The following TRPV3 variants were observed in gnomAD, a reference collection of about 807,000 sequenced individuals.
TRPV3 encodes the protein transient receptor potential cation channel subfamily V member 3, also known as VRL-3.
TRPV3 carries 88 observed loss-of-function variants against 87.1 expected under a neutral mutation model. The observed-to-expected ratio is 1.01, with a 90% CI of 0.85 to 1.21. TRPV3 has a LOEUF of 1.21. Ranked by LOEUF, TRPV3 falls within the 50% of genes most tolerant of loss-of-function variation. TRPV3 has a pLI of 0.00. For missense variants in TRPV3, 1,054 were observed against 1,030.1 expected (o/e 1.02, Z -0.32); for synonymous variants, 438 against 423.3 (o/e 1.03, Z -0.43).
Position 3,519,000 on chromosome 17 carries a change from A to C in TRPV3, c.1811-150T>G. 12 of 901,058 alleles carry C rather than the reference A, an allele frequency of 1.3e-5. No homozygotes were observed. Among genetic ancestry groups the C allele is most frequent in the Non-Finnish European group, 2.0e-5 (12 of 612,250 alleles). The allele number at this position is 901,058 out of a possible 1,614,324, so 55.8% of individuals were successfully genotyped here. A position where few individuals can be genotyped will look rare whatever the true frequency, so the allele number is the denominator to read the frequency against. ...CAGTTTCAGGTCCTCTCAAAGCCTC[A>C]TCAGGCTGGCTTCTCTGGCCTGGCC... On this transcript the variant is annotated intron_variant, in intron 14 of 17. Coordinates refer to ENST00000576742, the MANE Select transcript of TRPV3 (RefSeq NM_145068.4). This position sits in a 1 kb window ranked among gnomAD's most constrained non-coding sequence, Gnocchi z 4.3.
At chr17:3,538,409 C>G (rs2074427539) in intron 6 of TRPV3, among the ~76,000 whole-genome samples, 2 of 149,944 alleles carry the variant, frequency 1.3e-5, no homozygotes, top group African/African-American at 4.9e-5. Flanking sequence ...AAGAGTTAAC[C>G]CTTTTCACCC....
chr17:3,517,220 C>T (rs1274364740), intron 15 of TRPV3, among the ~76,000 whole-genome samples: 1 of 151,998 alleles, frequency 6.6e-6, no homozygotes, highest in Non-Finnish European at 1.5e-5. Flanking sequence ...AGCAGAGGAC[C>T]GTTCAAACAT....
chr17:3,531,036 A>G (rs1447072163), intron 8 of TRPV3, among the ~76,000 whole-genome samples: 1 of 151,380 alleles, frequency 6.6e-6, no homozygotes, highest in Non-Finnish European at 1.5e-5. Flanking sequence ...AGCCTGGGCA[A>G]TGAAGTGAGA....
Position 3,516,590 on chromosome 17 carries a change from A to G in TRPV3, c.2086-21T>C, listed in dbSNP as rs762489873. ...GCTCTCTGGGGACATAAGCAAGTCT[A>G]AGGAGTAGGCATCCACACTCACAAG... On this transcript the variant is annotated intron_variant, in intron 15 of 17. Coordinates refer to ENST00000576742, the MANE Select transcript of TRPV3 (RefSeq NM_145068.4). 13 of 1,579,830 alleles carry G rather than the reference A, an allele frequency of 8.2e-6. No homozygotes were observed. The South Asian group carries it at 1.1e-4, about 13-fold the overall frequency.
rs767698239 is a variant in TRPV3 at position 3,528,866 on chromosome 17, C to A, written c.1372G>T (p.Val458Phe). Residue 458 changes from valine (V) to phenylalanine (F), a missense_variant, in exon 10 of 18, where the codon GTC (valine) becomes TTC (phenylalanine). Coordinates refer to ENST00000576742, the MANE Select transcript of TRPV3 (RefSeq NM_145068.4). The surrounding 1 kb of genome is among the most constrained non-coding windows in gnomAD (Gnocchi z 4.2). ...TCCTCCCGGGGGCGGTAGTACGAGA[C>A]GAGGGTCAGGGTGATGTTGTAGAAG... ...YFFYNITLTL[V>F]SYYRPREEEA... 4.3e-6 allele frequency: 7 copies of A among 1,614,136 alleles called. No individual in the cohort carries two copies. The highest frequency in any genetic ancestry group is 5.9e-6 in the Non-Finnish European group (7 of 1,180,014).
chr17:3,545,211 A>G lies in TRPV3; in HGVS notation c.180T>C (p.Ser60=). The G allele has an allele frequency of 1.9e-6, 3 of 1,613,852 alleles. No homozygotes were observed. The highest frequency in any genetic ancestry group is 3.3e-5 in the Admixed American group (2 of 59,992). ...FEPNPTVAKT[S]PPVFSKPMDS... is the part of the protein sequence containing the mutation. Reference sequence around the variant, plus strand: ...CCATGGGCTTGGAGAAGACAGGAGGAGAGGTCTTGGCAACTGTGGGGTTGG... The same window carrying G: ...CCATGGGCTTGGAGAAGACAGGAGGGGAGGTCTTGGCAACTGTGGGGTTGG... Residue 60 remains serine, a synonymous_variant, in exon 3 of 18, where the codon TCT becomes TCC. Coordinates refer to ENST00000576742, the MANE Select transcript of TRPV3 (RefSeq NM_145068.4).
At chr17:3,515,599 T>A (rs893900857) in intron 16 of TRPV3, among the ~76,000 whole-genome samples, 2 of 151,788 alleles carry the variant, frequency 1.3e-5, no homozygotes, top group Non-Finnish European at 2.9e-5. Context: ...AGGCGGAGGT[T>A]GCAGTGAGCA....
intron 13 of TRPV3, among the ~76,000 whole-genome samples, chr17:3,522,105 A>T (rs1041524683): frequency 4.6e-5 from 7 of 152,204 alleles, no homozygotes; most frequent in Middle Eastern, 3.2e-3. Context: ...TAATTTAATT[A>T]AATAAAACAA....
At chr17:3,517,343 C>G (rs1454368206) in intron 15 of TRPV3, among the ~76,000 whole-genome samples, 2 of 151,842 alleles carry the variant, frequency 1.3e-5, no homozygotes, top group East Asian at 1.9e-4. Flanking sequence ...CTTGGACAGG[C>G]GCAGTGGCTC....
At position 3,532,897 on chromosome 17, in the gene TRPV3, G is replaced by A. The variant is rs372078083; in HGVS notation, c.825C>T (p.Pro275=). 4.1e-5 allele frequency: 66 copies of A among 1,614,076 alleles called. No individual in the cohort carries two copies. In the Admixed American group the frequency reaches 6.7e-4, roughly 16 times the overall value. The change falls in exon 8 of 18, where the codon CCC becomes CCT. Residue 275 remains proline, a synonymous_variant. Transcript: ENST00000576742. ...GCTCCATCAGCAGCTGCACAATCTC[G>A]GGCTGGTTGGTGCATGCTGCCAGGG... ...PLALAACTNQ[P]EIVQLLMEHE...
At chr17:3,542,981 A>G (rs77080647) in intron 5 of TRPV3, among the ~76,000 whole-genome samples, 3,800 of 151,584 alleles carry the variant, frequency 0.025, 154 homozygotes, top group African/African-American at 0.082. Flanking sequence ...GCCACCCTGG[A>G]ATCTGTCTCC....
At position 3,535,683 on chromosome 17, in the gene TRPV3, C is replaced by T; in HGVS notation, c.674G>A (p.Arg225Gln). 2 of 1,583,448 alleles carry T rather than the reference C, an allele frequency of 1.3e-6. No homozygotes were observed. Among genetic ancestry groups the T allele is most frequent in the South Asian group, 2.3e-5 (2 of 87,384 alleles). Residue 225 changes from arginine (R) to glutamine (Q), a missense_variant, in exon 7 of 18, where the codon CGG (arginine) becomes CAG (glutamine). Physicochemically the swap from Arg to Gln is conservative, Grantham distance 43. Coordinates refer to ENST00000576742, the MANE Select transcript of TRPV3 (RefSeq NM_145068.4). ...CAGGGCTGCGATGTCCCCCTGCCGC[C>T]GCTCGATGGCGATGTTCAGCGCCGT... Reference protein sequence around the residue: ...GQTALNIAIERRQGDIAALLI... With the variant: ...GQTALNIAIEQRQGDIAALLI...
In TRPV3 at chr17:3,557,131, C is replaced by T. The variant is rs140466309; in HGVS notation, c.-3+545G>A. ...TCACCCCGTAAACCCCACGTTCTCA[C>T]CTGCTGGACTCTCTTGTTGCCCTGG... On this transcript the variant is annotated intron_variant, in intron 1 of 17. Transcript: ENST00000576742. This position sits in a 1 kb window ranked among gnomAD's most constrained non-coding sequence, Gnocchi z 4.5. Among the ~76,000 whole-genome samples, 716 of 152,226 alleles carry T rather than the reference C, an allele frequency of 4.7e-3. 3 individuals are homozygous for T. Among genetic ancestry groups the T allele is most frequent in the African/African-American group, 5.3e-3 (222 of 41,544 alleles).
chr17:3,521,760 TAAATA>T (rs1021959004), intron 13 of TRPV3, among the ~76,000 whole-genome samples: 8 of 152,140 alleles, frequency 5.3e-5, no homozygotes, highest in African/African-American at 1.9e-4. Context: ...AACTTACAAT[TAAATA>T]AAATAAGTTA....
chr17:3,519,422 TTGGATGGA>T (rs59693032), intron 14 of TRPV3, among the ~76,000 whole-genome samples: 19 of 111,280 alleles, frequency 1.7e-4, no homozygotes, highest in Middle Eastern at 5.3e-3. Context: ...GGATGGATGA[TTGGATGGA>T]TGGATGGATG....
intron 2 of TRPV3, among the ~76,000 whole-genome samples, chr17:3,549,778 T>A (rs1419449269): frequency 2.0e-5 from 3 of 147,472 alleles, no homozygotes; most frequent in African/African-American, 7.6e-5. Flanking sequence ...AGATGATGCG[T>A]AGATGAGTGA....
intron 6 of TRPV3, 60 bp from the exon 7 acceptor site, chr17:3,535,773 AC>A: frequency 7.1e-7 from 1 of 1,406,662 alleles, no homozygotes; most frequent in Non-Finnish European, 9.2e-7. Context: ...CCTCTTGCCC[AC>A]CCGCTCTGGC....
rs2074316651 is a variant in TRPV3 at position 3,528,108 on chromosome 17, C to T, written c.1420G>A (p.Ala474Thr). 1 of 1,613,208 alleles carries T rather than the reference C, an allele frequency of 6.2e-7. No homozygotes were observed. Among genetic ancestry groups the T allele is most frequent in the African/African-American group, 1.3e-5 (1 of 74,980 alleles). Residue 474 changes from alanine (A) to threonine (T), a missense_variant, in exon 11 of 18, where the codon GCC (alanine) becomes ACC (threonine). Transcript: ENST00000576742. The surrounding 1 kb of genome is among the most constrained non-coding windows in gnomAD (Gnocchi z 4.2). ...AGCCACCCCATCTTGTGCGTCAGGG[C>T]CAAGGGGTGCGGGATGGCCTGCAGG... is the stretch of plus-strand genomic sequence containing the variant. Reference protein sequence around the residue: ...REEEAIPHPLALTHKMGWLQL... With the variant: ...REEEAIPHPLTLTHKMGWLQL...
rs1225655878 is a variant in TRPV3 at position 3,520,999 on chromosome 17, A to T, written c.1784T>A (p.Ile595Asn). Residue 595 changes from isoleucine (I) to asparagine (N), a missense_variant, in exon 14 of 18, where the codon ATC (isoleucine) becomes AAC (asparagine). Transcript: ENST00000576742. ...HDVLKFLFVY[I>N]VFLLGFGVAL... is the part of the protein sequence containing the mutation. The stretch of plus-strand genomic sequence containing the variant: ...TACTCCAAATCCAAGCAAAAACACG[A>T]TATATACAAACAAGAACTTCAGAAC... 6.2e-7 allele frequency: 1 copy of T among 1,608,318 alleles called. No individual in the cohort carries two copies. The highest frequency in any genetic ancestry group is 1.7e-5 in the Admixed American group (1 of 59,744).
Sources: gnomAD v4.1 joint callset for allele counts (sites outside exome capture counted in the v4.1 genomes callset) on GRCh38, gnomAD v4.1.1 for gene constraint, Gnocchi (gnomAD v3.1) non-coding constraint, MANE v1.5 for transcripts, NCBI Gene and HGNC (gene_info 2026-07-23, HGNC 2026-07-21) for gene names.